Variants in NTF3 observed in about 807,000 individuals in gnomAD.
NTF3 encodes the protein neurotrophin 3.
In NTF3, 8 loss-of-function variants were observed where a neutral mutation model predicts 26.3. That is an observed-to-expected ratio of 0.30 (90% CI 0.18 to 0.55). NTF3 has a LOEUF of 0.55. NTF3 is among the 20% of genes least tolerant of loss of function. The probability of loss-of-function intolerance (pLI) is 0.93; values close to 1 mark genes in which losing one functional copy is unlikely to be tolerated. For synonymous variants in NTF3, 154 were observed against 145.5 expected (o/e 1.06, Z -0.42); for missense variants, 276 against 352.9 (o/e 0.78, Z 1.75).
chr12:5,485,368 T>C (rs1342111672), intron 1 of NTF3, among the ~76,000 whole-genome samples: 1 of 152,232 alleles, frequency 6.6e-6, no homozygotes, highest in Non-Finnish European at 1.5e-5. Context: ...TATTCCGCAG[T>C]ATTAGCTAAG....
chr12:5,493,357 T>A (rs997115709), intron 1 of NTF3, among the ~76,000 whole-genome samples: 2 of 152,182 alleles, frequency 1.3e-5, no homozygotes, highest in Non-Finnish European at 2.9e-5. Context: ...GTAGCAGAAA[T>A]GTTAAAAATC....
At chr12:5,455,949 T>C (rs574349630) in intron 1 of NTF3, among the ~76,000 whole-genome samples, 2 of 151,822 alleles carry the variant, frequency 1.3e-5, no homozygotes, top group South Asian at 2.1e-4. Context: ...AGTCTGGGGG[T>C]CATGATCGCC....
At chr12:5,464,712 G>T (rs1228740114) in intron 1 of NTF3, among the ~76,000 whole-genome samples, 1 of 152,148 alleles carries the variant, frequency 6.6e-6, no homozygotes, top group Admixed American at 6.5e-5. Context: ...TCACAGCTCA[G>T]GGTGACCATG....
chr12:5,432,908 A>G (rs1481221114), intron 1 of NTF3, among the ~76,000 whole-genome samples: 1 of 151,540 alleles, frequency 6.6e-6, no homozygotes, highest in Non-Finnish European at 1.5e-5. Flanking sequence ...CACGCCCTGC[A>G]CTCTGCCGGC....
chr12:5,432,262 G>T lies in NTF3; in HGVS notation c.-63G>T, dbSNP rs1037601868. Reference sequence around the variant, plus strand: ...CGGCGGGGTGGGGGAGACTTTGAATGACCGAGCTCGCGTCCACCTTTCTCT... The same window carrying T: ...CGGCGGGGTGGGGGAGACTTTGAATTACCGAGCTCGCGTCCACCTTTCTCT... On this transcript the variant is annotated 5_prime_UTR_variant, in exon 1 of 2. It removes an upstream start codon present in the reference 5' UTR. Coordinates refer to ENST00000423158, the MANE Select transcript of NTF3 (RefSeq NM_001102654.2). 4 of 1,596,478 alleles carry T rather than the reference G, an allele frequency of 2.5e-6. No homozygotes were observed. The African/African-American group carries it at 5.4e-5, about 21-fold the overall frequency.
chr12:5,477,010 T>A (rs1940732391), intron 1 of NTF3, among the ~76,000 whole-genome samples: 3 of 152,352 alleles, frequency 2.0e-5, no homozygotes, highest in Admixed American at 2.0e-4. Context: ...TTCATTATAT[T>A]ACTTTTATAA....
Position 5,432,210 on chromosome 12 carries a change from C to G in NTF3, c.-115C>G. ...TTCTCTCTCCTTTCTTTCTTCCTCT[C>G]CTTTTTCCCCTGCTGGGTAGTGGCT... On this transcript the variant is annotated 5_prime_UTR_variant, in exon 1 of 2. Transcript: ENST00000423158. 1 of 1,197,600 alleles carries G rather than the reference C, an allele frequency of 8.4e-7. No individual in the cohort carries two copies. The highest frequency in any genetic ancestry group is 1.2e-6 in the Non-Finnish European group (1 of 804,364). The allele number at this position is 1,197,600 out of a possible 1,614,324, so 74.2% of individuals were successfully genotyped here. A position where few individuals can be genotyped will look rare whatever the true frequency, so the allele number is the denominator to read the frequency against.
At chr12:5,465,362 A>G (rs989611673) in intron 1 of NTF3, among the ~76,000 whole-genome samples, 3 of 152,208 alleles carry the variant, frequency 2.0e-5, no homozygotes, top group African/African-American at 7.2e-5. Flanking sequence ...GGTTTTTTAT[A>G]TCTGGATTCT....
chr12:5,475,854 A>G (rs571448689), intron 1 of NTF3, among the ~76,000 whole-genome samples: 3 of 146,790 alleles, frequency 2.0e-5, no homozygotes, highest in African/African-American at 5.0e-5. Flanking sequence ...AAAAAGAAGA[A>G]AGAGAGAGAG....
At chr12:5,486,373 A>G (rs1940866051) in intron 1 of NTF3, among the ~76,000 whole-genome samples, 1 of 152,182 alleles carries the variant, frequency 6.6e-6, no homozygotes, top group South Asian at 2.1e-4. Flanking sequence ...TTAGCCTTCA[A>G]CCCTCTAGAG....
At chr12:5,431,951 G>A (rs900696657), upstream of NTF3, among the ~76,000 whole-genome samples, 1 of 145,720 alleles carries the variant, frequency 6.9e-6, no homozygotes. Flanking sequence ...CACGGGTCCC[G>A]AAGTGAGGGC....
intron 1 of NTF3, among the ~76,000 whole-genome samples, chr12:5,455,590 C>T (rs1336007087): frequency 7.7e-6 from 1 of 129,078 alleles, no homozygotes; most frequent in Non-Finnish European, 1.7e-5. Context: ...ACACATAGCC[C>T]CTGTGATTGA....
intron 1 of NTF3, among the ~76,000 whole-genome samples, chr12:5,444,106 C>T (rs574891304): frequency 6.6e-6 from 1 of 152,280 alleles, no homozygotes; most frequent in South Asian, 2.1e-4. Flanking sequence ...TTTGGGGCAG[C>T]TGTATAAAGT....
chr12:5,431,920 G>A (rs1263042397), upstream of NTF3, among the ~76,000 whole-genome samples: 1 of 150,388 alleles, frequency 6.6e-6, no homozygotes, highest in Admixed American at 6.6e-5. Context: ...GAGGGGCCAG[G>A]AGAAATGACC....
intron 1 of NTF3, among the ~76,000 whole-genome samples, chr12:5,438,494 C>T (rs1451218764): frequency 3.3e-5 from 5 of 152,200 alleles, no homozygotes; most frequent in Admixed American, 1.3e-4. Context: ...CGTGAAATTT[C>T]GTGTGGTCTG....
At chr12:5,464,620 G>A (rs1309669355) in intron 1 of NTF3, among the ~76,000 whole-genome samples, 1 of 152,180 alleles carries the variant, frequency 6.6e-6, no homozygotes, top group Non-Finnish European at 1.5e-5. Flanking sequence ...TGGGGCCTGA[G>A]AATCTGCATA....
At chr12:5,465,578 AATGCCTC>A in intron 1 of NTF3, among the ~76,000 whole-genome samples, 1 of 152,258 alleles carries the variant, frequency 6.6e-6, no homozygotes, top group East Asian at 1.9e-4. Context: ...TATATCATGA[AATGCCTC>A]ATTTATTCCT....
chr12:5,474,786 G>A (rs1020069556), intron 1 of NTF3, among the ~76,000 whole-genome samples: 2 of 152,134 alleles, frequency 1.3e-5, no homozygotes, highest in East Asian at 1.9e-4. Flanking sequence ...GAGAAAAGGA[G>A]GGTGGATTTT....
chr12:5,465,521 T>C (rs1940578464), intron 1 of NTF3, among the ~76,000 whole-genome samples: 1 of 152,252 alleles, frequency 6.6e-6, no homozygotes, highest in African/African-American at 2.4e-5. Context: ...AGAGAACTAC[T>C]ATTTATTGGA....
Sources: allele counts gnomAD v4.1 joint callset (sites outside exome capture counted in the v4.1 genomes callset), GRCh38; gene constraint gnomAD v4.1.1; transcripts MANE v1.5; gene names NCBI Gene and HGNC (gene_info 2026-07-23, HGNC 2026-07-21).